ACYP2: variants seen among roughly 807,000 people sequenced by gnomAD.
ACYP2 encodes the protein acylphosphatase 2, also known as acylphosphatase-2.
A neutral mutation model predicts 11.2 loss-of-function variants in ACYP2; 12 were observed. That is an observed-to-expected ratio of 1.08 (90% confidence interval 0.69 to 1.74). The LOEUF is 1.74. Among genes scored for constraint, ACYP2 ranks in the 40% most tolerant of loss-of-function variants. ACYP2 has a pLI of 0.00. For missense variants in ACYP2, 134 were observed against 101.9 expected, an observed-to-expected ratio of 1.31 and a Z score of -1.35; for synonymous variants, 43 against 32.2, an observed-to-expected ratio of 1.33 and a Z score of -1.13.
chr2:54,026,689 A>G (rs913910606), intron 2 of ACYP2, among the ~76,000 whole-genome samples: 28 of 152,250 alleles, frequency 1.8e-4, no homozygotes, highest in African/African-American at 6.5e-4. Flanking sequence ...CTGAATAAAA[A>G]GAGTCATGTA....
intron 2 of ACYP2, among the ~76,000 whole-genome samples, chr2:54,006,247 A>G (rs1298012104): frequency 6.6e-6 from 1 of 152,156 alleles, no homozygotes; most frequent in Non-Finnish European, 1.5e-5. Context: ...TCCTGGGTTC[A>G]AGCGATTCTC....
chr2:54,258,078 G>T (rs569880810), intron 6 of ACYP2, among the ~76,000 whole-genome samples: 2 of 152,120 alleles, frequency 1.3e-5, no homozygotes, highest in Non-Finnish European at 2.9e-5. Flanking sequence ...TGGATATAAC[G>T]GTGAACAGAC....
chr2:54,170,475 T>G (rs1232693079), intron 6 of ACYP2, among the ~76,000 whole-genome samples: 1 of 152,142 alleles, frequency 6.6e-6, no homozygotes, highest in Non-Finnish European at 1.5e-5. Context: ...CTTTTAGCGT[T>G]TTGTGACACT....
intron 6 of ACYP2, among the ~76,000 whole-genome samples, chr2:54,283,375 C>T (rs920880945): frequency 1.2e-4 from 19 of 152,206 alleles, no homozygotes; most frequent in Non-Finnish European, 2.1e-4. Context: ...GATGGGTAGA[C>T]GTGAGCCCCT....
intron 6 of ACYP2, among the ~76,000 whole-genome samples, chr2:54,191,373 CA>C (rs2103887447): frequency 6.6e-6 from 1 of 152,296 alleles, no homozygotes; most frequent in African/African-American, 2.4e-5. Flanking sequence ...TCTTGGCAAA[CA>C]AACACACAAA....
chr2:54,280,856 C>T (rs1688817669), intron 6 of ACYP2, among the ~76,000 whole-genome samples: 1 of 152,056 alleles, frequency 6.6e-6, no homozygotes, highest in African/African-American at 2.4e-5. Flanking sequence ...GAGATGGTAA[C>T]TGGAAGATAG....
chr2:54,240,100 C>T (rs1686668686), intron 6 of ACYP2, among the ~76,000 whole-genome samples: 1 of 152,126 alleles, frequency 6.6e-6, no homozygotes, highest in Non-Finnish European at 1.5e-5. Flanking sequence ...CTGTAACCAT[C>T]TTATGTGACC....
At chr2:54,268,557 G>T (rs1159705893) in intron 6 of ACYP2, among the ~76,000 whole-genome samples, 4 of 150,966 alleles carry the variant, frequency 2.6e-5, no homozygotes, top group African/African-American at 9.8e-5. Flanking sequence ...ATCCCAGCAA[G>T]TTGGGAGGCT....
intron 4 of ACYP2, among the ~76,000 whole-genome samples, chr2:54,115,205 G>A (rs1679679981): frequency 6.6e-6 from 1 of 152,126 alleles, no homozygotes. Flanking sequence ...TTAAAAAATG[G>A]TGCAATGGAT....
chr2:54,128,128 T>C (rs895136073), intron 4 of ACYP2, among the ~76,000 whole-genome samples: 5 of 152,226 alleles, frequency 3.3e-5, no homozygotes, highest in Non-Finnish European at 7.3e-5. Context: ...AACAGGGGGA[T>C]GAATCATATG....
chr2:53,994,307 G>A (rs1474671696), intron 2 of ACYP2, among the ~76,000 whole-genome samples: 1 of 127,064 alleles, frequency 7.9e-6, no homozygotes, highest in African/African-American at 3.0e-5. Context: ...TCTAGCCTGG[G>A]TAACAGAGCA....
intron 6 of ACYP2, among the ~76,000 whole-genome samples, chr2:54,150,432 G>GT (rs1188642806): frequency 1.3e-5 from 2 of 152,110 alleles, no homozygotes; most frequent in Non-Finnish European, 2.9e-5. Context: ...TTGTTTGTTT[G>GT]TTTTTTAAGA....
chr2:54,015,736 T>C (rs1266866877), intron 2 of ACYP2, among the ~76,000 whole-genome samples: 1 of 151,950 alleles, frequency 6.6e-6, no homozygotes, highest in Admixed American at 6.6e-5. Context: ...AGAATCTGCA[T>C]TTTAACAAGA....
At chr2:54,172,397 C>T (rs576091527) in intron 6 of ACYP2, among the ~76,000 whole-genome samples, 3 of 152,104 alleles carry the variant, frequency 2.0e-5, no homozygotes, top group Non-Finnish European at 4.4e-5. Context: ...TTTGTACCAA[C>T]TGAAGTGTTG....
chr2:54,052,661 A>G (rs1675931371), intron 3 of ACYP2, among the ~76,000 whole-genome samples: 1 of 152,260 alleles, frequency 6.6e-6, no homozygotes, highest in Non-Finnish European at 1.5e-5. Context: ...ACAAAAAAAA[A>G]GAGCTGTGCA....
At chr2:54,182,677 C>G (rs553712340) in intron 6 of ACYP2, among the ~76,000 whole-genome samples, 6 of 152,196 alleles carry the variant, frequency 3.9e-5, no homozygotes, top group Non-Finnish European at 8.8e-5. Flanking sequence ...GTCTGGACAG[C>G]CTTGTCTCTT....
intron 6 of ACYP2, among the ~76,000 whole-genome samples, chr2:54,303,222 G>T (rs1003231799): frequency 6.6e-6 from 1 of 152,016 alleles, no homozygotes; most frequent in Non-Finnish European, 1.5e-5. Flanking sequence ...GTGATGGTGC[G>T]TGCCTGTAGT....
In ACYP2 at chr2:54,138,693, A is replaced by G; in HGVS notation, c.349A>G (p.Ser117Gly). 1 of 1,614,162 alleles carries G rather than the reference A, an allele frequency of 6.2e-7. No individual in the cohort carries two copies. Among genetic ancestry groups the G allele is most frequent in the Non-Finnish European group, 8.5e-7 (1 of 1,179,986 alleles). Residue 117 changes from serine (S) to glycine (G), a missense_variant, in exon 6 of 7, where the codon AGC (serine) becomes GGC (glycine). Physicochemically the swap from Ser to Gly is moderately conservative, Grantham distance 56. Coordinates refer to ENST00000607452, the MANE Select transcript of ACYP2 (RefSeq NM_001320586.2). Reference sequence around the variant, plus strand: ...AGTGGTTGGCTGGGTGAAGAATACCAGCAAAGGCACCGTGACAGGCCAAGT... The same window carrying G: ...AGTGGTTGGCTGGGTGAAGAATACCGGCAAAGGCACCGTGACAGGCCAAGT...
At chr2:54,106,808 G>A (rs919063818) in intron 4 of ACYP2, among the ~76,000 whole-genome samples, 1 of 152,134 alleles carries the variant, frequency 6.6e-6, no homozygotes, top group Middle Eastern at 3.4e-3. Flanking sequence ...TGGTCTTGAA[G>A]TCCTGACCTC....
Sources: gnomAD v4.1 joint callset for allele counts (sites outside exome capture counted in the v4.1 genomes callset) on GRCh38, gnomAD v4.1.1 for gene constraint, MANE v1.5 for transcripts, NCBI Gene and HGNC (gene_info 2026-07-23, HGNC 2026-07-21) for gene names.